Variants in COG1 observed in about 807,000 individuals in gnomAD.
The protein encoded by COG1 is component of oligomeric golgi complex 1, also known as conserved oligomeric Golgi complex subunit 1.
In COG1, 61 loss-of-function variants were observed where a neutral mutation model predicts 102.2. The ratio of observed to expected loss-of-function variants is 0.60; its 90% CI spans 0.49 to 0.74. The LOEUF (loss-of-function observed/expected upper bound fraction) is 0.74, where lower values mean the gene tolerates loss of function less well. Ranked by LOEUF, COG1 falls within the 30% of genes least tolerant of loss-of-function variation. The pLI, the probability that COG1 is intolerant of heterozygous loss-of-function variation, is 0.00. For missense variants in COG1, 1,164 were observed against 1,232.1 expected (o/e 0.94, Z 0.83); for synonymous variants, 454 against 493.6 (o/e 0.92, Z 1.06).
chr17:73,199,744 G>A, intron 4 of COG1, 121 bp from the exon 5 acceptor site: 3 of 1,180,886 alleles, frequency 2.5e-6, no homozygotes, highest in Non-Finnish European at 3.7e-6. Flanking sequence ...CTGGCAAATT[G>A]TTTCTTTTTT....
chr17:73,202,143 C>T (rs542770248), intron 7 of COG1, among the ~76,000 whole-genome samples: 22 of 151,552 alleles, frequency 1.5e-4, no homozygotes, highest in Non-Finnish European at 3.1e-4. Flanking sequence ...CGAGACCATC[C>T]TGGCTAACAT....
chr17:73,195,282 A>G (rs1447784958), intron 1 of COG1, among the ~76,000 whole-genome samples: 1 of 152,242 alleles, frequency 6.6e-6, no homozygotes, highest in Admixed American at 6.5e-5. Flanking sequence ...AACCTGGTCG[A>G]GGAAATAAAT....
chr17:73,205,162 CAAAA>C (rs1320538925), intron 9 of COG1: 1 of 225,324 alleles, frequency 4.4e-6, no homozygotes, highest in East Asian at 1.2e-4. Context: ...GACTCTATCT[CAAAA>C]CAAACAAACA....
In COG1 at chr17:73,206,248, G is replaced by A. The variant is rs886053370; in HGVS notation, c.2605G>A (p.Val869Met). Residue 869 changes from valine to methionine, a missense_variant, in exon 11 of 14, where the codon GTG becomes ATG. Coordinates refer to ENST00000299886, the MANE Select transcript of COG1 (RefSeq NM_018714.3). ...CCTCAACAGCAACCTTCATCGCCTG[G>A]TGCAGCGAACTTCTGTGAGTCAAAT... The part of the protein sequence containing the change: ...PHLNSNLHRL[V>M]QRTSVLFGLV... The A allele has an allele frequency of 4.3e-6, 7 of 1,613,868 alleles. No homozygotes were observed. The Admixed American group carries it at 1.0e-4, about 23-fold the overall frequency.
Position 73,200,597 on chromosome 17 carries a change from A to G in COG1, c.1102A>G (p.Asn368Asp), listed in dbSNP as rs551275381. 16 of 1,614,220 alleles carry G rather than the reference A, an allele frequency of 9.9e-6. 1 individual carries two copies. The South Asian group carries it at 1.8e-4, about 18-fold the overall frequency. Residue 368 changes from asparagine (N) to aspartate (D), a missense_variant, in exon 6 of 14, where the codon AAC becomes GAC. Physicochemically the swap from Asn to Asp is conservative, Grantham distance 23 (BLOSUM62 1). Transcript: ENST00000299886. ...CNEDIKNGIT[N>D]LLMYVKSMKG... ...TGAAGACATTAAAAATGGGATCACC[A>G]ACCTGCTCATGTACGTGAAGAGCAT...
chr17:73,202,649 G>A (rs1251225271), intron 7 of COG1, among the ~76,000 whole-genome samples: 1 of 151,992 alleles, frequency 6.6e-6, no homozygotes, highest in Non-Finnish European at 1.5e-5. Flanking sequence ...TTATTCGGAT[G>A]TGATGGTGCA....
intron 7 of COG1, among the ~76,000 whole-genome samples, chr17:73,202,754 A>G (rs190110930): frequency 1.2e-3 from 186 of 152,314 alleles, no homozygotes; most frequent in Non-Finnish European, 2.1e-3. Context: ...TGCCACTGCA[A>G]TCAGCCTGGG....
At chr17:73,195,613 CAAAA>C (rs35060532) in intron 1 of COG1, among the ~76,000 whole-genome samples, 4 of 82,224 alleles carry the variant, frequency 4.9e-5, no homozygotes, top group Admixed American at 2.7e-4. Context: ...GATGCTGTCC[CAAAA>C]AAAAAAAAAA....
chr17:73,198,614 A>G (rs574784464), intron 4 of COG1, among the ~76,000 whole-genome samples: 1 of 151,090 alleles, frequency 6.6e-6, no homozygotes, highest in Admixed American at 6.6e-5. Context: ...AAAACGTTGC[A>G]TTGGCGATGG....
At position 73,201,170 on chromosome 17, in the gene COG1, C is replaced by T. The variant is rs1372546537; in HGVS notation, c.1343C>T (p.Ala448Val). 6.2e-7 allele frequency: 1 copy of T among 1,614,204 alleles called. No homozygotes were observed. Among genetic ancestry groups the T allele is most frequent in the Non-Finnish European group, 8.5e-7 (1 of 1,180,026 alleles). The part of the protein sequence containing the change: ...SSSSKELLVS[A>V]LQELESSTSN... ...AGCTCCAAGGAGCTCTTGGTTTCAG[C>T]TTTGCAGGAACTTGAAAGCAGCACC... The change falls in exon 7 of 14, where the codon GCT becomes GTT. Residue 448 changes from alanine (A) to valine (V), a missense_variant. Coordinates refer to ENST00000299886, the MANE Select transcript of COG1 (RefSeq NM_018714.3).
chr17:73,194,223 A>G (rs2061315916), intron 1 of COG1, among the ~76,000 whole-genome samples: 1 of 146,642 alleles, frequency 6.8e-6, no homozygotes. Context: ...CGGGTGGATC[A>G]CGAGGTCAGG....
At chr17:73,198,266 G>C (rs1401091972) in intron 4 of COG1, among the ~76,000 whole-genome samples, 1 of 152,176 alleles carries the variant, frequency 6.6e-6, no homozygotes, top group Non-Finnish European at 1.5e-5. Context: ...AGGTGACCAA[G>C]TTAAGTAGAA....
At chr17:73,196,447 C>T (rs948590691) in intron 1 of COG1, 60 bp from the exon 2 acceptor site, 2 of 1,612,902 alleles carry the variant, frequency 1.2e-6, no homozygotes, top group Non-Finnish European at 1.7e-6. Context: ...CCTAAGCCTA[C>T]AGAACACTGA....
intron 13 of COG1, chr17:73,207,627 G>A (rs1408415316): frequency 8.9e-7 from 1 of 1,129,630 alleles, no homozygotes; most frequent in Non-Finnish European, 1.2e-6. Context: ...TTCCCTTTTA[G>A]TTGGGTGGGA....
chr17:73,199,771 A>T (rs1041328115), intron 4 of COG1, 94 bp from the exon 5 acceptor site: 6 of 1,462,752 alleles, frequency 4.1e-6, no homozygotes, highest in Non-Finnish European at 5.7e-6. Context: ...GTGAGGTTTC[A>T]CTGTGTTGCC....
At chr17:73,207,779 C>A in intron 13 of COG1, 1 of 1,287,004 alleles carries the variant, frequency 7.8e-7, no homozygotes, top group Non-Finnish European at 1.0e-6. Flanking sequence ...TGTTTGAAAG[C>A]TCAAACAGCT....
chr17:73,200,447 A>T, intron 5 of COG1, 119 bp from the exon 6 acceptor site: 1 of 967,040 alleles, frequency 1.0e-6, no homozygotes, highest in Non-Finnish European at 1.7e-6. Context: ...TGAGACACAT[A>T]GATATTTATC....
At chr17:73,205,782 C>T (rs2061368182) in intron 10 of COG1, 102 bp downstream of exon 10, 1 of 1,448,382 alleles carries the variant, frequency 6.9e-7, no homozygotes, top group African/African-American at 1.4e-5. Flanking sequence ...ACTGCACATT[C>T]ATTGTGTTTG....
At position 73,207,394 on chromosome 17, in the gene COG1, A is replaced by C; in HGVS notation, c.2805+138A>C. 8 of 849,738 alleles carry C rather than the reference A, an allele frequency of 9.4e-6. No individual in the cohort carries two copies. In the South Asian group the frequency reaches 1.1e-4, roughly 12 times the overall value. 52.6% of individuals were successfully genotyped at this position (849,738 alleles called of 1,614,324 possible). A position where few individuals can be genotyped will look rare whatever the true frequency, so the allele number is the denominator to read the frequency against. ...CTAATGCTGCTTTTAATGGCGGCGCAATAGAGAAGTACAAGGTTTTACTAG... is the reference window on the plus strand; with the variant it reads ...CTAATGCTGCTTTTAATGGCGGCGCCATAGAGAAGTACAAGGTTTTACTAG... On this transcript the variant is annotated intron_variant, in intron 13 of 13. Coordinates refer to ENST00000299886, the MANE Select transcript of COG1 (RefSeq NM_018714.3).
Sources: allele counts gnomAD v4.1 joint callset (sites outside exome capture counted in the v4.1 genomes callset), GRCh38; gene constraint gnomAD v4.1.1; transcripts MANE v1.5; gene names NCBI Gene and HGNC (gene_info 2026-07-23, HGNC 2026-07-21).